EPAS1: variants seen among roughly 807,000 people sequenced by gnomAD.
EPAS1 encodes endothelial PAS domain-containing protein 1.
A neutral mutation model predicts 87.9 loss-of-function variants in EPAS1; 23 were observed. That is an observed-to-expected ratio of 0.26 (90% CI 0.19 to 0.37). The LOEUF (loss-of-function observed/expected upper bound fraction) is 0.37, where lower values mean the gene tolerates loss of function less well. Among genes scored for constraint, EPAS1 ranks in the 10% least tolerant of loss-of-function variants. EPAS1 has a pLI of 1.00. For missense variants in EPAS1, 1,138 were observed against 1,120.7 expected, an observed-to-expected ratio of 1.02 and a Z score of -0.22; for synonymous variants, 508 against 444.3, an observed-to-expected ratio of 1.14 and a Z score of -1.80.
rs763402139 is a variant in EPAS1, at chr2:46,378,664, G to A, written c.1451G>A (p.Ser484Asn). The A allele has an allele frequency of 6.2e-7, 1 of 1,613,970 alleles. No individual in the cohort carries two copies. The highest frequency in any genetic ancestry group is 8.5e-7 in the Non-Finnish European group (1 of 1,179,924). ...CTCCTTCCTGGCCCCTAGCCCAATA[G>A]CCCTGAAGACTATTACACATCTTTG... The part of the protein sequence containing the change: ...SSSSSCSTPN[S>N]PEDYYTSLDN... Residue 484 changes from serine (S) to asparagine (N), a missense_variant, in exon 11 of 16, where the codon AGC (serine) becomes AAC (asparagine). Around this residue, in one of 4 missense-constraint regions of EPAS1, gnomAD observed 284 missense variants for 258.4 expected, o/e 1.10. Coordinates refer to ENST00000263734, the MANE Select transcript of EPAS1 (RefSeq NM_001430.5).
chr2:46,376,431 ACCCATT>A, intron 8 of EPAS1, 102 bp from the exon 9 acceptor site: 1 of 1,051,562 alleles, frequency 9.5e-7, no homozygotes, highest in Non-Finnish European at 1.5e-6. Context: ...CTGGAGTCCT[ACCCATT>A]TTTTGTCGGA....
chr2:46,352,280 A>G (rs1382920240), intron 2 of EPAS1, among the ~76,000 whole-genome samples: 3 of 152,196 alleles, frequency 2.0e-5, no homozygotes, highest in African/African-American at 7.2e-5. Flanking sequence ...ATCACCTTAC[A>G]GCAGTTTATC....
chr2:46,297,541 G>T lies in EPAS1; in HGVS notation c.-371G>T. ...CTCAGCCCGGCCTCCGACTCCTTCC[G>T]ACTCCCAGCATTCGAGCCACTTTTT... On this transcript the variant is annotated 5_prime_UTR_variant, in exon 1 of 16. Transcript: ENST00000263734. 3.2e-6 allele frequency: 1 copy of T among 314,666 alleles called. No individual in the cohort carries two copies. Among genetic ancestry groups the T allele is most frequent in the Non-Finnish European group, 6.1e-6 (1 of 164,226 alleles). The allele number at this position is 314,666 out of a possible 1,614,324, so 19.5% of individuals were successfully genotyped here.
Position 46,347,134 on chromosome 2 carries a change from C to A in EPAS1, c.217+71C>A. On this transcript the variant is annotated intron_variant, in intron 2 of 15. Coordinates refer to ENST00000263734, the MANE Select transcript of EPAS1 (RefSeq NM_001430.5). The surrounding 1 kb of genome is among the most constrained non-coding windows in gnomAD (Gnocchi z 4.2). ...CAGCATGTTCCTATATGCAGGGGACCCTTCTGCTGCCAGAGCTGGAAAGTC... is the reference window on the plus strand; with the variant it reads ...CAGCATGTTCCTATATGCAGGGGACACTTCTGCTGCCAGAGCTGGAAAGTC... The A allele has an allele frequency of 6.4e-7, 1 of 1,556,754 alleles. No homozygotes were observed. Among genetic ancestry groups the A allele is most frequent in the Non-Finnish European group, 8.9e-7 (1 of 1,128,768 alleles).
Position 46,380,018 on chromosome 2 carries a change from G to A in EPAS1, c.1555-209G>A. The stretch of plus-strand genomic sequence containing the variant: ...GCAGGGTGAAGAGGGGATAAACATG[G>A]GGGAAGGCTGGTACATGATACAAGG... On this transcript the variant is annotated intron_variant, in intron 11 of 15. Transcript: ENST00000263734. This position sits in a 1 kb window ranked among gnomAD's most constrained non-coding sequence, Gnocchi z 4.4. The A allele has an allele frequency of 1.4e-6, 1 of 736,604 alleles. No homozygotes were observed. 45.6% of individuals were successfully genotyped at this position (736,604 alleles called of 1,614,324 possible).
chr2:46,333,849 G>T (rs989431015), intron 1 of EPAS1, among the ~76,000 whole-genome samples: 3 of 152,010 alleles, frequency 2.0e-5, no homozygotes, highest in Non-Finnish European at 2.9e-5. Flanking sequence ...CTTGGTCAGT[G>T]GTAAAGAAAG....
intron 1 of EPAS1, among the ~76,000 whole-genome samples, chr2:46,305,383 C>T (rs749198232): frequency 7.9e-5 from 12 of 152,126 alleles, no homozygotes; most frequent in South Asian, 2.1e-4. Context: ...GCCACTTGTA[C>T]GTCAGCAAAA....
intron 1 of EPAS1, among the ~76,000 whole-genome samples, chr2:46,302,464 G>C (rs1050061859): frequency 2.0e-5 from 3 of 152,024 alleles, no homozygotes; most frequent in Non-Finnish European, 4.4e-5. Flanking sequence ...ATTGCTGGTA[G>C]TTCTTAACAG....
chr2:46,310,117 T>C (rs1471989979), intron 1 of EPAS1, among the ~76,000 whole-genome samples: 8 of 152,152 alleles, frequency 5.3e-5, no homozygotes, highest in Non-Finnish European at 8.8e-5. Context: ...CATGTCTGAG[T>C]CTCCTAGTGC....
rs573038592 is a variant in EPAS1 at position 46,346,467 on chromosome 2, G to C, written c.27-406G>C. 6.6e-6 allele frequency among the ~76,000 whole-genome samples: 1 copy of C among 152,182 alleles called. No individual in the cohort carries two copies. Among genetic ancestry groups the C allele is most frequent in the Non-Finnish European group, 1.5e-5 (1 of 68,030 alleles). On this transcript the variant is annotated intron_variant, in intron 1 of 15. Coordinates refer to ENST00000263734, the MANE Select transcript of EPAS1 (RefSeq NM_001430.5). The surrounding 1 kb of genome is among the most constrained non-coding windows in gnomAD (Gnocchi z 4.0). ...CAGTTTTTTTATCTTGTTCTCCAGAGCCCTTGACAAAGCCATCTGAGCCAC... is the reference window on the plus strand; with the variant it reads ...CAGTTTTTTTATCTTGTTCTCCAGACCCCTTGACAAAGCCATCTGAGCCAC...
rs2103682568 is a variant in EPAS1 at position 46,384,598 on chromosome 2, C to T, written c.2551C>T (p.Leu851=). Residue 851 remains leucine (L), a synonymous_variant, in exon 16 of 16, where the codon CTG becomes TTG. Coordinates refer to ENST00000263734, the MANE Select transcript of EPAS1 (RefSeq NM_001430.5). ...RYDCEVNVPV[L]GSSTLLQGGD... ...TGACTGTGAGGTGAACGTGCCCGTG[C>T]TGGGAAGCTCCACGCTCCTGCAAGG... 1.2e-6 allele frequency: 2 copies of T among 1,614,152 alleles called. No homozygotes were observed. Among genetic ancestry groups the T allele is most frequent in the Admixed American group, 3.3e-5 (2 of 60,030 alleles).
rs1163407813 is a variant in EPAS1 at position 46,380,029 on chromosome 2, G to GT, written c.1555-197dup. On this transcript the variant is annotated intron_variant, in intron 11 of 15. Coordinates refer to ENST00000263734, the MANE Select transcript of EPAS1 (RefSeq NM_001430.5). The surrounding 1 kb of genome is among the most constrained non-coding windows in gnomAD (Gnocchi z 4.4). ...AGGGGATAAACATGGGGGAAGGCTG[G>GT]TACATGATACAAGGTCGTGTACATG... The GT allele has an allele frequency of 1.3e-6, 1 of 784,136 alleles. No homozygotes were observed. Among genetic ancestry groups the GT allele is most frequent in the African/African-American group, 1.7e-5 (1 of 59,118 alleles). 48.6% of individuals were successfully genotyped at this position (784,136 alleles called of 1,614,324 possible).
rs144194911 is a variant in EPAS1, at chr2:46,353,760, T to C, written c.218-2391T>C. On this transcript the variant is annotated intron_variant, in intron 2 of 15. Transcript: ENST00000263734. ...AGAAACCCCAAGCAGGGATCAGGTG[T>C]GCGTATGTGTATGGTGTAAGGTCAT... is the stretch of plus-strand genomic sequence containing the variant. Among the ~76,000 whole-genome samples the C allele has an allele frequency of 1.2e-4, 19 of 152,300 alleles. No homozygotes were observed. The East Asian group carries it at 3.5e-3, about 28-fold the overall frequency.
intron 6 of EPAS1, among the ~76,000 whole-genome samples, chr2:46,367,459 T>C (rs1684526021): frequency 6.6e-6 from 1 of 152,226 alleles, no homozygotes; most frequent in African/African-American, 2.4e-5. Context: ...CAGGCTAAGC[T>C]TGAAAGTCAT....
rs1684712586 is a variant in EPAS1, at chr2:46,375,189, A to C, written c.887-501A>C. Among the ~76,000 whole-genome samples, 1 of 138,336 alleles carries C rather than the reference A, an allele frequency of 7.2e-6. No individual in the cohort carries two copies. Among genetic ancestry groups the C allele is most frequent in the Non-Finnish European group, 1.6e-5 (1 of 62,294 alleles). The allele number at this position is 138,336 out of a possible 152,430, so 90.8% of individuals were successfully genotyped here. On this transcript the variant is annotated intron_variant, in intron 7 of 15. Coordinates refer to ENST00000263734, the MANE Select transcript of EPAS1 (RefSeq NM_001430.5). The surrounding 1 kb of genome is among the most constrained non-coding windows in gnomAD (Gnocchi z 4.1). ...GTGGTGGGTCTGCTGAAAAAAAAAA[A>C]CAAAAAAAAACAAAAAAAACTGCCC...
At chr2:46,359,257 C>CAAAAA (rs57351888) in intron 4 of EPAS1, among the ~76,000 whole-genome samples, 6,125 of 25,034 alleles carry the variant, frequency 0.24, 1,253 homozygotes, top group African/African-American at 0.33. Context: ...GATTCTGTCT[C>CAAAAA]AAAAAAAAAA....
intron 4 of EPAS1, among the ~76,000 whole-genome samples, chr2:46,357,713 C>T (rs6707241): frequency 0.64 from 96,803 of 152,092 alleles, 32,397 homozygotes; most frequent in East Asian, 0.89. Context: ...TGATGAGACG[C>T]AGGTCAAGTA....
intron 15 of EPAS1, among the ~76,000 whole-genome samples, chr2:46,383,589 G>A (rs1021338996): frequency 6.6e-6 from 1 of 152,102 alleles, no homozygotes; most frequent in African/African-American, 2.4e-5. Flanking sequence ...TGAGTTCAGG[G>A]GCTGGTATAT....
At chr2:46,331,679 C>G (rs528010513) in intron 1 of EPAS1, among the ~76,000 whole-genome samples, 4 of 152,314 alleles carry the variant, frequency 2.6e-5, no homozygotes, top group Middle Eastern at 3.4e-3. Flanking sequence ...AAGACCACTT[C>G]TTAGTTGATT....
Sources: allele counts gnomAD v4.1 joint callset (sites outside exome capture counted in the v4.1 genomes callset), GRCh38; gene constraint gnomAD v4.1.1; regional missense constraint gnomAD v4.1.1; non-coding constraint Gnocchi (gnomAD v3.1); transcripts MANE v1.5; gene names NCBI Gene and HGNC (gene_info 2026-07-23, HGNC 2026-07-21).